Variants in DHRSX observed in about 807,000 individuals in gnomAD.
DHRSX encodes the protein polyprenol dehydrogenase.
DHRSX carries 31 observed loss-of-function variants against 34.0 expected under a neutral mutation model. The ratio of observed to expected loss-of-function variants is 0.91; its 90% CI spans 0.69 to 1.23. The LOEUF is 1.23. DHRSX is among the 50% of genes most tolerant of loss of function. The pLI is 0.00. For synonymous variants in DHRSX, 201 were observed against 183.8 expected, an observed-to-expected ratio of 1.09 and a Z score of -0.76; for missense variants, 414 against 428.1, an observed-to-expected ratio of 0.97 and a Z score of 0.29.
intron 1 of DHRSX, among the ~76,000 whole-genome samples, chrX:2,458,542 A>G (rs994362555): frequency 1.3e-5 from 2 of 152,194 alleles, no homozygotes; most frequent in African/African-American, 4.8e-5. Context: ...CATGGGTGGG[A>G]CTGAAAGATA....
Position 2,414,077 on chromosome X carries a change from C to T in DHRSX, c.218-5264G>A, listed in dbSNP as rs187071703. Among the ~76,000 whole-genome samples the T allele has an allele frequency of 2.6e-5, 4 of 151,970 alleles. No individual in the cohort carries two copies. The East Asian group carries it at 7.8e-4, about 30-fold the overall frequency. On this transcript the variant is annotated intron_variant, in intron 2 of 6. Coordinates refer to ENST00000334651, the MANE Select transcript of DHRSX (RefSeq NM_145177.3). ...CAACTAGATCACATCATGACCAACTCAACTAGACCTCATCATGACCTGACA... is the reference window on the plus strand; with the variant it reads ...CAACTAGATCACATCATGACCAACTTAACTAGACCTCATCATGACCTGACA...
intron 1 of DHRSX, among the ~76,000 whole-genome samples, chrX:2,426,520 C>A (rs1410469741): frequency 7.7e-6 from 1 of 129,506 alleles, no homozygotes; most frequent in Non-Finnish European, 1.6e-5. Flanking sequence ...CCTTCCCTCC[C>A]TTTTTCCTTC....
Position 2,246,951 on chromosome X carries a change from TTTG to T in DHRSX, c.597-3724_597-3722del, listed in dbSNP as rs1229229098. ...TGGGGAACAGAGACTGATGTTGGTTTTTGTTGTTGTTGTTTGAGAAGGAGTCTT... is the reference window on the plus strand; with the variant it reads ...TGGGGAACAGAGACTGATGTTGGTTTTTGTTGTTGTTTGAGAAGGAGTCTT... On this transcript the variant is annotated intron_variant, in intron 5 of 6. Coordinates refer to ENST00000334651, the MANE Select transcript of DHRSX (RefSeq NM_145177.3). Among the ~76,000 whole-genome samples the T allele has an allele frequency of 6.6e-5, 10 of 152,102 alleles. No individual in the cohort carries two copies. In the Middle Eastern group the frequency reaches 0.01, roughly 156 times the overall value.
chrX:2,346,068 G>A (rs1436659873), intron 3 of DHRSX, among the ~76,000 whole-genome samples: 3 of 152,124 alleles, frequency 2.0e-5, no homozygotes, highest in East Asian at 1.9e-4. Context: ...TTAGGTGAAC[G>A]CCAAGGAGGA....
intron 4 of DHRSX, among the ~76,000 whole-genome samples, chrX:2,282,581 A>AGACAGAGAAGAAAGAGGG (rs2041722221): frequency 1.0e-5 from 1 of 100,040 alleles, no homozygotes; most frequent in South Asian, 4.1e-4. Context: ...ACAGAAAGGG[A>AGACAGAGAAGAAAGAGGG]GAGAGAGAAG....
intron 4 of DHRSX, among the ~76,000 whole-genome samples, chrX:2,285,668 CT>C (rs1469248148): frequency 6.6e-6 from 1 of 152,154 alleles, no homozygotes; most frequent in East Asian, 1.9e-4. Context: ...TGCAGACCCC[CT>C]ACTAGCCTCT....
chrX:2,302,949 C>T (rs1271850729), intron 3 of DHRSX, among the ~76,000 whole-genome samples: 1 of 151,940 alleles, frequency 6.6e-6, no homozygotes, highest in African/African-American at 2.4e-5. Flanking sequence ...AGTTTAAAAG[C>T]GCTGATTCTG....
chrX:2,356,938 T>C (rs1356981048), intron 3 of DHRSX, among the ~76,000 whole-genome samples: 2 of 152,084 alleles, frequency 1.3e-5, no homozygotes, highest in African/African-American at 4.8e-5. Flanking sequence ...AATTAAGTTT[T>C]TGGAGAATCA....
At chrX:2,481,869 T>A (rs2044777722) in intron 1 of DHRSX, among the ~76,000 whole-genome samples, 1 of 152,168 alleles carries the variant, frequency 6.6e-6, no homozygotes, top group Non-Finnish European at 1.5e-5. Flanking sequence ...CAAACTGCAC[T>A]GAGCCGGCTC....
At chrX:2,292,794 A>G (rs1331578892) in intron 3 of DHRSX, among the ~76,000 whole-genome samples, 2 of 151,980 alleles carry the variant, frequency 1.3e-5, no homozygotes, top group African/African-American at 4.8e-5. Flanking sequence ...GACGCCATTT[A>G]TGGATCCCTT....
At chrX:2,362,857 G>T (rs185085528) in intron 3 of DHRSX, among the ~76,000 whole-genome samples, 4,710 of 78,550 alleles carry the variant, frequency 0.06, 196 homozygotes, top group African/African-American at 0.092. Flanking sequence ...GTATCATGCC[G>T]CCATTTTATC....
intron 3 of DHRSX, chrX:2,336,363 A>G (rs1569490735): frequency 6.6e-6 from 1 of 152,128 alleles, no homozygotes; most frequent in African/African-American, 2.4e-5. Flanking sequence ...CTTTTTCAAA[A>G]GCATTTTGCT....
chrX:2,262,983 G>A (rs1232032043), intron 5 of DHRSX, among the ~76,000 whole-genome samples: 3 of 152,256 alleles, frequency 2.0e-5, no homozygotes, highest in Admixed American at 6.5e-5. Context: ...GGCAGGGCCT[G>A]TGCCCCTGGG....
At chrX:2,441,931 G>A (rs1433244004) in intron 1 of DHRSX, among the ~76,000 whole-genome samples, 1 of 152,120 alleles carries the variant, frequency 6.6e-6, no homozygotes, top group African/African-American at 2.4e-5. Flanking sequence ...AAAATTAGCT[G>A]GGTGTGGTGG....
intron 3 of DHRSX, among the ~76,000 whole-genome samples, chrX:2,353,022 G>A (rs1298229929): frequency 6.6e-6 from 1 of 152,144 alleles, no homozygotes; most frequent in Non-Finnish European, 1.5e-5. Flanking sequence ...AGGCAAGATG[G>A]CTTGAGCTCG....
chrX:2,472,278 T>C (rs749652690), intron 1 of DHRSX, among the ~76,000 whole-genome samples: 1 of 152,046 alleles, frequency 6.6e-6, no homozygotes, highest in East Asian at 1.9e-4. Flanking sequence ...CAGCTAAACA[T>C]TGGGCACTGG....
rs183854619 is a variant in DHRSX, at chrX:2,236,575, G to A, written c.804+6448C>T. On this transcript the variant is annotated intron_variant, in intron 6 of 6. Coordinates refer to ENST00000334651, the MANE Select transcript of DHRSX (RefSeq NM_145177.3). ...GCCTCCCGAGTAGCTGGGATTACAG[G>A]CGTCCGCCACCATGCCTGGCTAATT... Among the ~76,000 whole-genome samples, 21 of 152,222 alleles carry A rather than the reference G, an allele frequency of 1.4e-4. No individual in the cohort carries two copies. In the East Asian group the frequency reaches 4.1e-3, roughly 29 times the overall value.
chrX:2,405,303 A>G (rs1312374705), intron 3 of DHRSX, among the ~76,000 whole-genome samples: 1 of 151,550 alleles, frequency 6.6e-6, no homozygotes, highest in Non-Finnish European at 1.5e-5. Context: ...CCTGGCCAAG[A>G]TGGTGAAACC....
chrX:2,381,171 T>C (rs980081408), intron 3 of DHRSX, among the ~76,000 whole-genome samples: 1 of 152,074 alleles, frequency 6.6e-6, no homozygotes, highest in Non-Finnish European at 1.5e-5. Flanking sequence ...CGGCCCCAGA[T>C]CCCTGTCTTG....
Sources: allele counts gnomAD v4.1 joint callset (sites outside exome capture counted in the v4.1 genomes callset), GRCh38; gene constraint gnomAD v4.1.1; transcripts MANE v1.5; gene names NCBI Gene and HGNC (gene_info 2026-07-23, HGNC 2026-07-21).